Variants in OCA2 observed in about 807,000 individuals in gnomAD.
The protein encoded by OCA2 is P protein.
In OCA2, 77 loss-of-function variants were observed where a neutral mutation model predicts 100.2. That is an observed-to-expected ratio of 0.77 (90% CI 0.64 to 0.93). The LOEUF (loss-of-function observed/expected upper bound fraction) is 0.93. Among genes scored for constraint, OCA2 ranks in the 40% least tolerant of loss-of-function variants. The pLI is 0.00. For synonymous variants in OCA2, 432 were observed against 439.2 expected (o/e 0.98, Z 0.21); for missense variants, 1,062 against 1,089.1 (o/e 0.98, Z 0.35).
At chr15:27,893,856 C>A (rs953767469) in intron 19 of OCA2, among the ~76,000 whole-genome samples, 1 of 152,056 alleles carries the variant, frequency 6.6e-6, no homozygotes, top group Non-Finnish European at 1.5e-5. Flanking sequence ...TTTGTTGGAC[C>A]CTTATCAGTG....
chr15:27,994,066 G>T (rs2041642143), intron 9 of OCA2, among the ~76,000 whole-genome samples: 1 of 152,122 alleles, frequency 6.6e-6, no homozygotes, highest in Admixed American at 6.6e-5. Context: ...ATTCTTAAAA[G>T]ATGCTTTAAA....
chr15:27,817,641 AC>A (rs2034353503), intron 23 of OCA2, among the ~76,000 whole-genome samples: 1 of 151,702 alleles, frequency 6.6e-6, no homozygotes, highest in Admixed American at 6.6e-5. Flanking sequence ...CCGGCCCAGA[AC>A]CCCAGGAGAT....
intron 21 of OCA2, among the ~76,000 whole-genome samples, chr15:27,868,873 C>A (rs2036431727): frequency 6.6e-6 from 1 of 152,158 alleles, no homozygotes; most frequent in Non-Finnish European, 1.5e-5. Context: ...TTGTCAATGA[C>A]TTCAATACAG....
intron 19 of OCA2, among the ~76,000 whole-genome samples, chr15:27,913,344 T>G (rs1290043597): frequency 8.0e-6 from 1 of 125,662 alleles, no homozygotes; most frequent in African/African-American, 3.0e-5. Context: ...AAAAGAAAAT[T>G]TCCTTGTTTC....
At chr15:27,821,130 A>G (rs2034485209) in intron 23 of OCA2, among the ~76,000 whole-genome samples, 1 of 152,186 alleles carries the variant, frequency 6.6e-6, no homozygotes, top group Non-Finnish European at 1.5e-5. Context: ...AATTCCTTTC[A>G]GAGGCTATGA....
the OCA2 span, among the ~76,000 whole-genome samples, chr15:27,742,161 C>T: frequency 2.0e-5 from 3 of 152,144 alleles, no homozygotes; most frequent in East Asian, 3.9e-4. Flanking sequence ...AGGTCCAGGG[C>T]AAGGTGGGAG....
At chr15:27,837,534 G>A (rs1595492790) in intron 23 of OCA2, among the ~76,000 whole-genome samples, 1 of 152,132 alleles carries the variant, frequency 6.6e-6, no homozygotes, top group East Asian at 1.9e-4. Context: ...ACCCTTGCAA[G>A]GAGCCAGAGA....
intron 19 of OCA2, among the ~76,000 whole-genome samples, chr15:27,924,964 G>C (rs550757265): frequency 6.6e-6 from 1 of 152,210 alleles, no homozygotes; most frequent in Middle Eastern, 3.4e-3. Context: ...CAGGCAAATA[G>C]ACCCTAAGAC....
At chr15:27,729,589 G>C in the OCA2 span, among the ~76,000 whole-genome samples, 1 of 152,076 alleles carries the variant, frequency 6.6e-6, no homozygotes, top group Non-Finnish European at 1.5e-5. Context: ...TGAATTGCTG[G>C]CAGAACTCAA....
At chr15:28,009,963 C>A (rs898286967) in intron 9 of OCA2, among the ~76,000 whole-genome samples, 3 of 152,046 alleles carry the variant, frequency 2.0e-5, no homozygotes, top group African/African-American at 7.2e-5. Flanking sequence ...GCAGCTACAG[C>A]AGTGCTGACA....
chr15:27,978,771 C>A (rs553223990), intron 14 of OCA2, among the ~76,000 whole-genome samples: 2 of 152,086 alleles, frequency 1.3e-5, no homozygotes, highest in Non-Finnish European at 2.9e-5. Flanking sequence ...CTGCAACCTC[C>A]ATCTTCCGGG....
At chr15:27,768,789 C>T (rs2151022593) in intron 23 of OCA2, among the ~76,000 whole-genome samples, 1 of 152,326 alleles carries the variant, frequency 6.6e-6, no homozygotes, top group South Asian at 2.1e-4. Context: ...CACAGTGGCA[C>T]ACGCCCGAGT....
intron 23 of OCA2, chr15:27,775,626 T>G (rs2032167000): frequency 6.6e-6 from 1 of 152,574 alleles, no homozygotes; most frequent in African/African-American, 2.4e-5. Flanking sequence ...ATCCGTCAGC[T>G]CAGGCTGCTG....
chr15:28,023,713 C>A (rs922310950), intron 5 of OCA2, among the ~76,000 whole-genome samples: 1 of 152,194 alleles, frequency 6.6e-6, no homozygotes, highest in Non-Finnish European at 1.5e-5. Flanking sequence ...TGGAGCAACA[C>A]TCAAAAGTGG....
chr15:27,961,573 G>A (rs1293480239), intron 15 of OCA2, among the ~76,000 whole-genome samples: 2 of 152,198 alleles, frequency 1.3e-5, no homozygotes, highest in East Asian at 1.9e-4. Flanking sequence ...TGACAGACTG[G>A]ATAAAGAAAA....
chr15:27,896,308 A>T (rs1258993901), intron 19 of OCA2: 45 of 965,528 alleles, frequency 4.7e-5, no homozygotes, highest in South Asian at 4.4e-4. Context: ...AATGTTGCAG[A>T]TTACATGTGC....
At chr15:27,722,012 TA>T in the OCA2 span, among the ~76,000 whole-genome samples, 2 of 152,248 alleles carry the variant, frequency 1.3e-5, no homozygotes, top group Non-Finnish European at 2.9e-5. Context: ...ATCTGTGCTA[TA>T]ATAATTTCAC....
intron 18 of OCA2, among the ~76,000 whole-genome samples, chr15:27,929,440 G>A (rs2039164193): frequency 6.6e-6 from 1 of 152,054 alleles, no homozygotes; most frequent in Non-Finnish European, 1.5e-5. Context: ...ATATCCACAT[G>A]CAAAAGAACT....
At chr15:27,765,826 A>G (rs1051083870) in intron 23 of OCA2, among the ~76,000 whole-genome samples, 60 of 152,228 alleles carry the variant, frequency 3.9e-4, no homozygotes, top group African/African-American at 1.3e-3. Flanking sequence ...AGTGCGAACA[A>G]TCAGAGGTCA....
Sources: allele counts gnomAD v4.1 joint callset (sites outside exome capture counted in the v4.1 genomes callset), GRCh38; gene constraint gnomAD v4.1.1; transcripts MANE v1.5; gene names NCBI Gene and HGNC (gene_info 2026-07-23, HGNC 2026-07-21).